KBTBD12: variants seen among roughly 807,000 people sequenced by gnomAD.
The protein encoded by KBTBD12 is kelch repeat and BTB domain-containing protein 12.
In KBTBD12, 53 loss-of-function variants were observed where a neutral mutation model predicts 58.7. The observed-to-expected ratio is 0.90, with a 90% CI of 0.72 to 1.14. The LOEUF is 1.14. Ranked by LOEUF, KBTBD12 falls within the 50% of genes most tolerant of loss-of-function variation. The pLI is 0.00. For missense variants in KBTBD12, 704 were observed against 751.3 expected, an observed-to-expected ratio of 0.94 and a Z score of 0.74; for synonymous variants, 236 against 259.8, an observed-to-expected ratio of 0.91 and a Z score of 0.88.
intron 2 of KBTBD12, among the ~76,000 whole-genome samples, chr3:127,925,150 A>G (rs554410553): frequency 6.6e-6 from 1 of 152,276 alleles, no homozygotes; most frequent in South Asian, 2.1e-4. Flanking sequence ...TTCCACATTC[A>G]TACTTTGAAG....
chr3:127,956,919 T>C (rs1940331612), intron 4 of KBTBD12, among the ~76,000 whole-genome samples: 1 of 152,236 alleles, frequency 6.6e-6, no homozygotes, highest in African/African-American at 2.4e-5. Flanking sequence ...GATCATTTTG[T>C]TACTCCTGAA....
intron 5 of KBTBD12, among the ~76,000 whole-genome samples, chr3:127,971,834 A>G (rs1051925636): frequency 2.0e-5 from 3 of 151,988 alleles, no homozygotes; most frequent in South Asian, 2.1e-4. Context: ...CCCAAACAAC[A>G]TTTTCACCTT....
chr3:127,955,300 A>G (rs1006154149), intron 4 of KBTBD12, among the ~76,000 whole-genome samples: 16 of 152,194 alleles, frequency 1.1e-4, no homozygotes, highest in African/African-American at 3.9e-4. Flanking sequence ...TTTGTGCCTC[A>G]TTGGTTTACT....
intron 5 of KBTBD12, among the ~76,000 whole-genome samples, chr3:127,983,556 C>A (rs1940909040): frequency 6.6e-6 from 1 of 152,116 alleles, no homozygotes. Context: ...AGTTCGAGAC[C>A]AGCCTGACTA....
At chr3:127,976,096 A>T (rs936105336) in intron 5 of KBTBD12, among the ~76,000 whole-genome samples, 1 of 152,208 alleles carries the variant, frequency 6.6e-6, no homozygotes, top group Non-Finnish European at 1.5e-5. Flanking sequence ...TTCTGACCAT[A>T]TGCAAGTAAG....
At chr3:127,954,410 T>C (rs934662218) in intron 4 of KBTBD12, among the ~76,000 whole-genome samples, 7 of 152,214 alleles carry the variant, frequency 4.6e-5, no homozygotes, top group African/African-American at 9.6e-5. Flanking sequence ...CCTTGGTGAA[T>C]GCTTCTGTTA....
Position 127,982,997 on chromosome 3 carries a change from C to T in KBTBD12, c.1691-1100C>T, listed in dbSNP as rs559003602. On this transcript the variant is annotated intron_variant, in intron 5 of 5. Transcript: ENST00000405109. ...TCCCAAACACAAGCTCAGAGGGCAG[C>T]GCTAGCCCAGGGCCACATGACTCCA... 2.6e-5 allele frequency among the ~76,000 whole-genome samples: 4 copies of T among 152,324 alleles called. No homozygotes were observed. In the South Asian group the frequency reaches 6.2e-4, roughly 24 times the overall value.
At chr3:127,959,325 T>C (rs1940384295) in intron 4 of KBTBD12, among the ~76,000 whole-genome samples, 1 of 152,220 alleles carries the variant, frequency 6.6e-6, no homozygotes, top group Middle Eastern at 3.2e-3. Context: ...CAAACATTTA[T>C]GACCAAATGA....
intron 5 of KBTBD12, among the ~76,000 whole-genome samples, chr3:127,981,566 T>C (rs1052427239): frequency 6.6e-6 from 1 of 152,196 alleles, no homozygotes; most frequent in Non-Finnish European, 1.5e-5. Flanking sequence ...AGAAATTCTG[T>C]AATCCAGTGT....
intron 4 of KBTBD12, 52 bp from the exon 5 acceptor site, chr3:127,963,137 C>A: frequency 6.8e-7 from 1 of 1,470,274 alleles, no homozygotes; most frequent in Non-Finnish European, 9.2e-7. Flanking sequence ...GTGCTGTCCA[C>A]AATTGAGTTT....
intron 3 of KBTBD12, among the ~76,000 whole-genome samples, chr3:127,929,304 A>T (rs1416124176): frequency 2.0e-5 from 3 of 152,228 alleles, no homozygotes; most frequent in Non-Finnish European, 4.4e-5. Flanking sequence ...AACTCTTGGT[A>T]TATTTAAAGT....
At chr3:127,952,524 C>T (rs1940228948) in intron 4 of KBTBD12, among the ~76,000 whole-genome samples, 1 of 152,150 alleles carries the variant, frequency 6.6e-6, no homozygotes, top group African/African-American at 2.4e-5. Flanking sequence ...ATCAATCATA[C>T]ATATAAATAG....
chr3:127,959,569 A>G (rs895327248), intron 4 of KBTBD12, among the ~76,000 whole-genome samples: 5 of 152,264 alleles, frequency 3.3e-5, no homozygotes, highest in African/African-American at 9.6e-5. Flanking sequence ...CCGGTTACTC[A>G]TGAAACATCC....
rs114020749 is a variant in KBTBD12, at chr3:127,982,227, A to G, written c.1691-1870A>G. The stretch of plus-strand genomic sequence containing the variant: ...TGTAAAGATTTTAAATTTTCTGTAT[A>G]TTGTGATGTTTTGACAACTTAAGAG... On this transcript the variant is annotated intron_variant, in intron 5 of 5. Transcript: ENST00000405109. Among the ~76,000 whole-genome samples the G allele has an allele frequency of 6.3e-3, 962 of 152,314 alleles. 17 individuals carry two copies. The highest frequency in any genetic ancestry group is 5.2e-3 in the Non-Finnish European group (354 of 68,026).
chr3:127,935,162 T>C (rs919722797), intron 4 of KBTBD12, among the ~76,000 whole-genome samples: 1 of 152,130 alleles, frequency 6.6e-6, no homozygotes, highest in South Asian at 2.1e-4. Context: ...AAAATGTATT[T>C]TATACCCTGA....
chr3:127,978,025 A>G (rs535444392), intron 5 of KBTBD12, among the ~76,000 whole-genome samples: 25 of 152,326 alleles, frequency 1.6e-4, no homozygotes, highest in African/African-American at 4.8e-4. Context: ...GAAGGGGTCC[A>G]GTTTCAATAT....
chr3:127,979,220 A>G (rs762386626), intron 5 of KBTBD12, among the ~76,000 whole-genome samples: 23 of 152,254 alleles, frequency 1.5e-4, no homozygotes, highest in Non-Finnish European at 4.4e-5. Flanking sequence ...TTGACTTACC[A>G]GGAACCAAGA....
chr3:127,962,676 C>G (rs189507646), intron 4 of KBTBD12, among the ~76,000 whole-genome samples: 2 of 152,192 alleles, frequency 1.3e-5, no homozygotes, highest in Admixed American at 1.3e-4. Context: ...GGTTTAGGGC[C>G]TTTCCTGAAA....
intron 4 of KBTBD12, among the ~76,000 whole-genome samples, chr3:127,947,379 C>T (rs1205897485): frequency 6.6e-6 from 1 of 152,176 alleles, no homozygotes; most frequent in African/African-American, 2.4e-5. Flanking sequence ...CCAGTCTTCC[C>T]CGCCACTCCT....
Sources: allele counts gnomAD v4.1 joint callset (sites outside exome capture counted in the v4.1 genomes callset), GRCh38; gene constraint gnomAD v4.1.1; transcripts MANE v1.5; gene names NCBI Gene and HGNC (gene_info 2026-07-23, HGNC 2026-07-21).